DNAAF10: variants seen among roughly 807,000 people sequenced by gnomAD.
DNAAF10 encodes the protein dynein axonemal assembly factor 10.
A neutral mutation model predicts 43.7 loss-of-function variants in DNAAF10; 28 were observed. That is an observed-to-expected ratio of 0.64 (90% CI 0.48 to 0.88). The LOEUF (loss-of-function observed/expected upper bound fraction) is 0.88, where lower values mean the gene tolerates loss of function less well. Among genes scored for constraint, DNAAF10 ranks in the 40% least tolerant of loss-of-function variants. DNAAF10 has a pLI of 0.00. For missense variants in DNAAF10, 403 were observed against 439.1 expected (o/e 0.92, Z 0.73); for synonymous variants, 156 against 157.3 (o/e 0.99, Z 0.06).
chr2:68,151,906 G>A (rs6546357), intron 1 of DNAAF10, among the ~76,000 whole-genome samples: 112,178 of 152,158 alleles, frequency 0.74, 42,465 homozygotes, highest in African/African-American at 0.93. Context: ...TCAAGATGAC[G>A]AAACAGGTTC....
chr2:68,131,619 T>A (rs1672933252), intron 7 of DNAAF10, 174 bp from the exon 8 acceptor site: 1 of 640,664 alleles, frequency 1.6e-6, no homozygotes, highest in Non-Finnish European at 2.6e-6. Flanking sequence ...TCAACCTCAA[T>A]CCTATCCCAA....
chr2:68,154,103 C>T (rs1673526770), intron 1 of DNAAF10, among the ~76,000 whole-genome samples: 1 of 151,966 alleles, frequency 6.6e-6, no homozygotes, highest in South Asian at 2.1e-4. Context: ...TCTTTTTGGA[C>T]AGTAGGCTCT....
At chr2:68,134,440 G>C in intron 7 of DNAAF10, 1 of 1,237,414 alleles carries the variant, frequency 8.1e-7, no homozygotes, top group Non-Finnish European at 1.0e-6. Flanking sequence ...TAAAAGTCTT[G>C]GGCCAACTTT....
intron 2 of DNAAF10, among the ~76,000 whole-genome samples, chr2:68,146,422 A>G (rs984375494): frequency 2.0e-5 from 3 of 152,238 alleles, no homozygotes; most frequent in African/African-American, 4.8e-5. Context: ...ACATGAAATT[A>G]TAAGATTTAT....
chr2:68,157,042 G>T, intron 1 of DNAAF10: 1 of 653,546 alleles, frequency 1.5e-6, no homozygotes, highest in Non-Finnish European at 2.6e-6. Flanking sequence ...ACTGCACTGG[G>T]GGTGGCAGGA....
In DNAAF10 at chr2:68,137,290, C is replaced by T. The variant is rs1673066763; in HGVS notation, c.768+9G>A. 1.2e-6 allele frequency: 2 copies of T among 1,605,430 alleles called. No homozygotes were observed. Among genetic ancestry groups the T allele is most frequent in the Non-Finnish European group, 1.7e-6 (2 of 1,176,334 alleles). ...CTTCTTCATAGAAAGACATTTCCCTCATATTTACCTTTTCTGAAACAGAGG... is the reference window on the plus strand; with the variant it reads ...CTTCTTCATAGAAAGACATTTCCCTTATATTTACCTTTTCTGAAACAGAGG... On this transcript the variant is annotated intron_variant, in intron 6 of 7. Transcript: ENST00000295121.
intron 1 of DNAAF10, among the ~76,000 whole-genome samples, chr2:68,150,800 T>C (rs555651171): frequency 2.0e-5 from 3 of 152,220 alleles, no homozygotes; most frequent in South Asian, 4.2e-4. Context: ...TTAAAAACTG[T>C]GTGGTTACTT....
chr2:68,157,468 A>T lies in DNAAF10; in HGVS notation c.-25T>A, dbSNP rs778033672. ...TGGTGCAGCCAATTTCAGCTACGGC[A>T]ACCGCCACACCCAGAGCCCCCAAAA... is the stretch of plus-strand genomic sequence containing the variant. On this transcript the variant is annotated 5_prime_UTR_variant, in exon 1 of 8. An upstream open reading frame in the 5' UTR gains an earlier in-frame stop. Coordinates refer to ENST00000295121, the MANE Select transcript of DNAAF10 (RefSeq NM_138458.4). The T allele has an allele frequency of 1.2e-6, 2 of 1,613,516 alleles. No individual in the cohort carries two copies. The highest frequency in any genetic ancestry group is 1.7e-6 in the Non-Finnish European group (2 of 1,179,858).
chr2:68,131,325 C>A lies in DNAAF10; in HGVS notation c.987G>T (p.Trp329Cys). The change falls in exon 8 of 8, where the codon TGG becomes TGT. Residue 329 changes from tryptophan (W) to cysteine (C), a missense_variant. Physicochemically the swap from Trp to Cys is radical, Grantham distance 215. Coordinates refer to ENST00000295121, the MANE Select transcript of DNAAF10 (RefSeq NM_138458.4). ...LSTQPISSLD[W>C]SPDKRGLCVC... ...CGCAGAGACCCCTTTTATCTGGACT[C>A]CAATCCAAACTTGAAATGGGCTGGG... The A allele has an allele frequency of 6.2e-7, 1 of 1,614,090 alleles. No homozygotes were observed.
Position 68,147,587 on chromosome 2 carries a change from A to G in DNAAF10, c.184-20T>C. The G allele has an allele frequency of 6.4e-7, 1 of 1,552,568 alleles. No homozygotes were observed. Among genetic ancestry groups the G allele is most frequent in the Non-Finnish European group, 8.8e-7 (1 of 1,134,938 alleles). On this transcript the variant is annotated intron_variant, in intron 1 of 7. Transcript: ENST00000295121. ...TTCAATCTTCATAGAAGGGAGGAAG[A>G]GAGGATATATTATTTATGTAAGCAG...
Position 68,147,451 on chromosome 2 carries a change from G to T in DNAAF10, c.284+16C>A, listed in dbSNP as rs1673345786. The T allele has an allele frequency of 1.3e-5, 20 of 1,587,708 alleles. No individual in the cohort carries two copies. Among genetic ancestry groups the T allele is most frequent in the South Asian group, 2.2e-5 (2 of 90,180 alleles). The stretch of plus-strand genomic sequence containing the variant: ...TGCCTATCTCATCTGTCTGAATACT[G>T]ACTAAATCATCTTACCATATATGAA... On this transcript the variant is annotated intron_variant, in intron 2 of 7. Coordinates refer to ENST00000295121, the MANE Select transcript of DNAAF10 (RefSeq NM_138458.4).
chr2:68,146,413 C>G (rs748215387), intron 2 of DNAAF10, among the ~76,000 whole-genome samples: 10 of 152,088 alleles, frequency 6.6e-5, no homozygotes, highest in Non-Finnish European at 1.0e-4. Context: ...TATTTTTTAA[C>G]ATGAAATTAT....
chr2:68,138,680 A>G (rs1673103298), intron 5 of DNAAF10, 62 bp downstream of exon 5: 3 of 1,229,904 alleles, frequency 2.4e-6, no homozygotes, highest in African/African-American at 3.0e-5. Context: ...TCCTTTTGTA[A>G]TAGTTCAGAG....
intron 1 of DNAAF10, among the ~76,000 whole-genome samples, chr2:68,152,682 T>C (rs1366513996): frequency 1.3e-5 from 2 of 152,128 alleles, no homozygotes; most frequent in Middle Eastern, 3.2e-3. Context: ...AATCAATATA[T>C]ACTAACAATT....
At chr2:68,146,247 G>A (rs1406995490) in intron 2 of DNAAF10, among the ~76,000 whole-genome samples, 1 of 152,154 alleles carries the variant, frequency 6.6e-6, no homozygotes, top group Non-Finnish European at 1.5e-5. Context: ...AGGCAACAGA[G>A]CGAGACTCCA....
chr2:68,138,930 T>A, intron 4 of DNAAF10, 73 bp from the exon 5 acceptor site: 1 of 1,039,922 alleles, frequency 9.6e-7, no homozygotes, highest in Non-Finnish European at 1.5e-6. Context: ...AAAAGTCTTA[T>A]GAAACTAACA....
intron 1 of DNAAF10, among the ~76,000 whole-genome samples, chr2:68,149,273 G>C (rs1002125385): frequency 6.6e-6 from 1 of 152,202 alleles, no homozygotes; most frequent in Non-Finnish European, 1.5e-5. Flanking sequence ...CTCCCAGACT[G>C]TTGAACTTTC....
Position 68,129,948 on chromosome 2 carries a change from C to T in DNAAF10, c.*1290G>A, listed in dbSNP as rs775918940. The T allele has an allele frequency of 1.8e-4, 28 of 151,882 alleles. No individual in the cohort carries two copies. The highest frequency in any genetic ancestry group is 3.4e-4 in the Non-Finnish European group (23 of 67,974). 9.4% of individuals were successfully genotyped at this position (151,882 alleles called of 1,614,324 possible). A position where few individuals can be genotyped will look rare whatever the true frequency, so the allele number is the denominator to read the frequency against. ...ACTACAAAACCCCTACAATCTTGTA[C>T]ATTTCACCATCACTTACCACAGTCA... On this transcript the variant is annotated 3_prime_UTR_variant, in exon 8 of 8. Coordinates refer to ENST00000295121, the MANE Select transcript of DNAAF10 (RefSeq NM_138458.4).
At chr2:68,141,914 G>C in intron 3 of DNAAF10, 119 bp from the exon 4 acceptor site, 1 of 795,716 alleles carries the variant, frequency 1.3e-6, no homozygotes, top group Non-Finnish European at 2.1e-6. Flanking sequence ...TATGACATCT[G>C]AAAATATCCA....
Sources: allele counts gnomAD v4.1 joint callset (sites outside exome capture counted in the v4.1 genomes callset), GRCh38; gene constraint gnomAD v4.1.1; transcripts MANE v1.5; gene names NCBI Gene and HGNC (gene_info 2026-07-23, HGNC 2026-07-21).